CYFIP1: variants seen among roughly 807,000 people sequenced by gnomAD.
The protein encoded by CYFIP1 is cytoplasmic FMR1 interacting protein 1.
A neutral mutation model predicts 163.5 loss-of-function variants in CYFIP1; 58 were observed. The observed-to-expected ratio is 0.35, with a 90% confidence interval of 0.29 to 0.44. The LOEUF is 0.44. Among genes scored for constraint, CYFIP1 ranks in the 20% least tolerant of loss-of-function variants. The pLI is 1.00. For synonymous variants in CYFIP1, 663 were observed against 660.7 expected, an observed-to-expected ratio of 1.00 and a Z score of -0.05; for missense variants, 1,338 against 1,653.8, an observed-to-expected ratio of 0.81 and a Z score of 3.31.
In CYFIP1 at chr15:22,880,024, G is replaced by A. The variant is rs755324168; in HGVS notation, c.2931C>T (p.His977=). The A allele has an allele frequency of 1.2e-6, 2 of 1,613,922 alleles. No individual in the cohort carries two copies. The highest frequency in any genetic ancestry group is 1.1e-5 in the South Asian group (1 of 91,070). Residue 977 remains histidine (H), a synonymous_variant, in exon 26 of 31, where the codon CAC becomes CAT. Coordinates refer to ENST00000617928, the MANE Select transcript of CYFIP1 (RefSeq NM_014608.6). ...ACTCCACGATGTCCTTCAGCTGGTG[G>A]TGGAAGAACTCCAGGATACCTACGG... ...YGSPGILEFF[H]HQLKDIVEYA...
chr15:22,870,083 A>C lies in CYFIP1; in HGVS notation c.3707T>G (p.Val1236Gly). 1 of 1,612,598 alleles carries C rather than the reference A, an allele frequency of 6.2e-7. No individual in the cohort carries two copies. Among genetic ancestry groups the C allele is most frequent in the Non-Finnish European group, 8.5e-7 (1 of 1,179,468 alleles). ...LKSGDGEGTP[V>G]EHVRCFQPPI... ...CGGCTGGAAGCAGCGCACATGCTCC[A>C]CTGGCGTGCCCTCCCCGTCGCCTGA... Residue 1236 changes from valine to glycine, a missense_variant, in exon 31 of 31, where the codon GTG (valine) becomes GGG (glycine). Val to Gly is a moderately radical substitution (Grantham distance 109, BLOSUM62 -3). Around this residue, in one of 4 missense-constraint regions of CYFIP1, gnomAD observed 306 missense variants for 322.1 expected, o/e 0.95. Coordinates refer to ENST00000617928, the MANE Select transcript of CYFIP1 (RefSeq NM_014608.6).
At chr15:22,926,769 C>T (rs1262182788) in intron 12 of CYFIP1, among the ~76,000 whole-genome samples, 1 of 152,098 alleles carries the variant, frequency 6.6e-6, no homozygotes, top group Non-Finnish European at 1.5e-5. Flanking sequence ...TACAAATGTA[C>T]AGTCTGATAT....
intron 11 of CYFIP1, among the ~76,000 whole-genome samples, chr15:22,931,752 C>T (rs2061546731): frequency 7.2e-6 from 1 of 138,208 alleles, no homozygotes; most frequent in Non-Finnish European, 1.5e-5. Flanking sequence ...AGTTTCACTG[C>T]CTTGTCAATT....
At chr15:22,968,109 T>C (rs1244835646) in intron 1 of CYFIP1, among the ~76,000 whole-genome samples, 2 of 151,912 alleles carry the variant, frequency 1.3e-5, no homozygotes, top group Non-Finnish European at 2.9e-5. Context: ...GCACTCCAGC[T>C]TGGGCGACAC....
chr15:22,913,845 G>T lies in CYFIP1; in HGVS notation c.1985+881C>A, dbSNP rs1036911971. 2.6e-5 allele frequency among the ~76,000 whole-genome samples: 4 copies of T among 152,134 alleles called. 1 individual carries two copies. The highest frequency in any genetic ancestry group is 4.1e-4 in the South Asian group (2 of 4,830). ...ATCAGAGGCTCTGCCCACACAAATG[G>T]CATGGCCATGCCACAGCCACAGAGA... On this transcript the variant is annotated intron_variant, in intron 17 of 30. Transcript: ENST00000617928.
intron 13 of CYFIP1, 117 bp downstream of exon 13, chr15:22,925,865 T>C (rs1442610298): frequency 6.3e-6 from 9 of 1,430,448 alleles, no homozygotes; most frequent in Non-Finnish European, 8.6e-6. Flanking sequence ...TGGAAAGGGG[T>C]GCCCACACAG....
intron 1 of CYFIP1, among the ~76,000 whole-genome samples, chr15:22,977,330 T>C (rs2063313921): frequency 6.6e-6 from 1 of 152,232 alleles, no homozygotes; most frequent in South Asian, 2.1e-4. Flanking sequence ...ATAATCATGT[T>C]GTCAGCAAAT....
chr15:22,892,082 C>T (rs2060099861), intron 23 of CYFIP1, among the ~76,000 whole-genome samples: 1 of 152,192 alleles, frequency 6.6e-6, no homozygotes, highest in Admixed American at 6.5e-5. Context: ...AAGACGCTTT[C>T]GCTCTTCACA....
chr15:22,908,757 G>A (rs1440074278), intron 21 of CYFIP1, among the ~76,000 whole-genome samples: 1 of 151,868 alleles, frequency 6.6e-6, no homozygotes, highest in Non-Finnish European at 1.5e-5. Flanking sequence ...TCAAACTCCT[G>A]ACCTCAAATG....
chr15:22,875,348 T>G, intron 26 of CYFIP1, 77 bp from the exon 27 acceptor site: 1 of 1,210,628 alleles, frequency 8.3e-7, no homozygotes, highest in Non-Finnish European at 1.2e-6. Context: ...AACCAAGAAC[T>G]TCTTTGCCTT....
chr15:22,880,432 A>C (rs1310756751), intron 25 of CYFIP1, among the ~76,000 whole-genome samples: 2 of 152,188 alleles, frequency 1.3e-5, no homozygotes, highest in Non-Finnish European at 2.9e-5. Flanking sequence ...ACCTAATCTG[A>C]GAAAGGGCAT....
intron 1 of CYFIP1, among the ~76,000 whole-genome samples, chr15:22,977,361 AAT>A (rs1438832653): frequency 6.6e-6 from 1 of 152,094 alleles, no homozygotes; most frequent in Non-Finnish European, 1.5e-5. Context: ...TTCCCTTTCC[AAT>A]TTGTATGCCT....
intron 1 of CYFIP1, among the ~76,000 whole-genome samples, chr15:22,975,755 A>T (rs752069408): frequency 6.6e-6 from 1 of 152,192 alleles, no homozygotes; most frequent in Non-Finnish European, 1.5e-5. Context: ...GCGAAACTCC[A>T]TCTCAAAAAA....
intron 25 of CYFIP1, among the ~76,000 whole-genome samples, chr15:22,880,369 G>A (rs1442037246): frequency 3.9e-5 from 6 of 152,174 alleles, no homozygotes; most frequent in African/African-American, 1.4e-4. Context: ...AGTGGGGGCA[G>A]ACAAGGTATT....
rs79791617 is a variant in CYFIP1, at chr15:22,944,531, C to A, written c.387+27G>T. 39 of 1,466,226 alleles carry A rather than the reference C, an allele frequency of 2.7e-5. No individual in the cohort carries two copies. In the African/African-American group the frequency reaches 3.8e-4, roughly 14 times the overall value. The allele number at this position is 1,466,226 out of a possible 1,614,324, so 90.8% of individuals were successfully genotyped here. ...CAGCAACCCACCCCTCGGTGTTACA[C>A]CCCCCCCAGATTATTTGCCATTTTA... On this transcript the variant is annotated intron_variant, in intron 5 of 30. Transcript: ENST00000617928.
At chr15:22,933,690 A>C in intron 10 of CYFIP1, 112 bp downstream of exon 10, 2 of 744,398 alleles carry the variant, frequency 2.7e-6, no homozygotes, top group Non-Finnish European at 4.5e-6. Flanking sequence ...ATTTAATTCC[A>C]GGCTGAGAAT....
intron 1 of CYFIP1, chr15:22,951,641 C>T: frequency 2.9e-6 from 3 of 1,034,362 alleles, no homozygotes; most frequent in Admixed American, 2.7e-5. Context: ...GGGCCCCACG[C>T]GGGTCAACAA....
intron 13 of CYFIP1, among the ~76,000 whole-genome samples, chr15:22,924,714 G>A (rs1295302697): frequency 9.1e-6 from 1 of 109,302 alleles, no homozygotes; most frequent in Non-Finnish European, 1.9e-5. Flanking sequence ...GTATGGTTAT[G>A]TGAAAAAAAA....
chr15:22,936,759 T>C (rs923358781), intron 9 of CYFIP1, among the ~76,000 whole-genome samples: 3 of 152,134 alleles, frequency 2.0e-5, no homozygotes, highest in Admixed American at 6.5e-5. Context: ...TACGGTGTAG[T>C]CATCAGATAG....
Sources: gnomAD v4.1 joint callset for allele counts (sites outside exome capture counted in the v4.1 genomes callset) on GRCh38, gnomAD v4.1.1 for gene constraint, gnomAD v4.1.1 regional missense constraint, MANE v1.5 for transcripts, NCBI Gene and HGNC (gene_info 2026-07-23, HGNC 2026-07-21) for gene names.